SEZ6: variants seen among roughly 807,000 people sequenced by gnomAD.
The protein encoded by SEZ6 is seizure related 6 homolog, also known as seizure protein 6 homolog.
Under a neutral mutation model 101.0 loss-of-function variants are expected in SEZ6, and 53 were observed. That is an observed-to-expected ratio of 0.52 (90% CI 0.42 to 0.66). The LOEUF is 0.66. SEZ6 is among the 30% of genes least tolerant of loss of function. The pLI is 0.00. For missense variants in SEZ6, 1,102 were observed against 1,289.4 expected, an observed-to-expected ratio of 0.85 and a Z score of 2.23; for synonymous variants, 488 against 512.2, an observed-to-expected ratio of 0.95 and a Z score of 0.64.
At chr17:28,985,513 A>G (rs2041367456) in intron 1 of SEZ6, among the ~76,000 whole-genome samples, 1 of 152,218 alleles carries the variant, frequency 6.6e-6, no homozygotes, top group Non-Finnish European at 1.5e-5. Flanking sequence ...TGCCTCTCAG[A>G]GCCTTTGCCT....
Position 29,003,334 on chromosome 17 carries a change from G to T in SEZ6, c.55+2481C>A, listed in dbSNP as rs560363724. Among the ~76,000 whole-genome samples, 6 of 152,328 alleles carry T rather than the reference G, an allele frequency of 3.9e-5. No individual in the cohort carries two copies. In the South Asian group the frequency reaches 1.2e-3, roughly 32 times the overall value. ...TGCCTGACGCCAATCAAGACTTGGAGGCTGCAGAAGGGAATAGGGGACTGA... is the reference window on the plus strand; with the variant it reads ...TGCCTGACGCCAATCAAGACTTGGATGCTGCAGAAGGGAATAGGGGACTGA... On this transcript the variant is annotated intron_variant, in intron 1 of 16. Coordinates refer to ENST00000317338, the MANE Select transcript of SEZ6 (RefSeq NM_178860.5).
At chr17:29,000,623 C>A (rs1027117712) in intron 1 of SEZ6, among the ~76,000 whole-genome samples, 2 of 152,136 alleles carry the variant, frequency 1.3e-5, no homozygotes, top group African/African-American at 4.8e-5. Flanking sequence ...CATTAAAGGG[C>A]ATGTAGGCTC....
At chr17:28,997,712 C>A (rs897764231) in intron 1 of SEZ6, among the ~76,000 whole-genome samples, 8 of 152,180 alleles carry the variant, frequency 5.3e-5, no homozygotes, top group South Asian at 2.1e-4. Flanking sequence ...CCATCCCCCC[C>A]ACCCCGATTT....
intron 7 of SEZ6, chr17:28,960,167 A>G (rs1345777399): frequency 3.5e-6 from 2 of 573,542 alleles, no homozygotes; most frequent in African/African-American, 1.9e-5. Context: ...TTTTGAATGA[A>G]TTAATCAATG....
intron 3 of SEZ6, among the ~76,000 whole-genome samples, chr17:28,970,830 CTT>C (rs957811626): frequency 3.9e-5 from 6 of 152,238 alleles, no homozygotes; most frequent in Non-Finnish European, 8.8e-5. Flanking sequence ...AGTTCAAACT[CTT>C]TGCTTAGCCC....
At position 28,956,449 on chromosome 17, in the gene SEZ6, G is replaced by A. The variant is rs1475292617; in HGVS notation, c.2750C>T (p.Ala917Val). 6.4e-7 allele frequency: 1 copy of A among 1,556,646 alleles called. No homozygotes were observed. The highest frequency in any genetic ancestry group is 2.4e-5 in the East Asian group (1 of 41,452). Residue 917 changes from alanine (A) to valine (V), a missense_variant, in exon 15 of 17, where the codon GCC (alanine) becomes GTC (valine). By Grantham distance (64) the Ala-to-Val change is moderately conservative. Around this residue, in one of 3 missense-constraint regions of SEZ6, gnomAD observed 140 missense variants for 135.7 expected, o/e 1.03. Transcript: ENST00000317338. ...RSLDVAKAPA[A>V]SSTLDAAHIA... ...GTGGGCAGCATCCAGGGTGCTGGAG[G>A]CAGCAGGTGCCTTGGCAACTGAAGA... is the stretch of plus-strand genomic sequence containing the variant.
intron 13 of SEZ6, 116 bp downstream of exon 13, chr17:28,956,929 A>C: frequency 1.5e-6 from 2 of 1,360,684 alleles, no homozygotes; most frequent in South Asian, 1.4e-5. Context: ...GACTGGGGAG[A>C]CCAAGGGTAA....
At chr17:28,973,038 A>G (rs748844375) in intron 3 of SEZ6, among the ~76,000 whole-genome samples, 3 of 152,196 alleles carry the variant, frequency 2.0e-5, no homozygotes, top group Non-Finnish European at 2.9e-5. Flanking sequence ...CTTTTTCCTG[A>G]TCTTGCTGCT....
intron 3 of SEZ6, 114 bp downstream of exon 3, chr17:28,979,566 T>C: frequency 6.8e-7 from 1 of 1,474,602 alleles, no homozygotes; most frequent in South Asian, 1.3e-5. Flanking sequence ...CCTTAGGCGA[T>C]GCCCCACAAT....
chr17:28,956,793 A>T, intron 13 of SEZ6, 36 bp from the exon 14 acceptor site: 1 of 1,556,112 alleles, frequency 6.4e-7, no homozygotes, highest in Non-Finnish European at 8.7e-7. Context: ...GCAGTGAGTG[A>T]GCCCAATGGG....
rs1221424193 is a variant in SEZ6, at chr17:28,969,965, T to C, written c.859-13A>G. 1 of 1,517,442 alleles carries C rather than the reference T, an allele frequency of 6.6e-7. No homozygotes were observed. Among genetic ancestry groups the C allele is most frequent in the Non-Finnish European group, 8.7e-7 (1 of 1,146,536 alleles). 94.0% of individuals were successfully genotyped at this position (1,517,442 alleles called of 1,614,324 possible). ...TGATATTCTGGACCTGTCAGTAGAGTAGAGAGAGAAAAGCAAAGTAGTCAG... is the reference window on the plus strand; with the variant it reads ...TGATATTCTGGACCTGTCAGTAGAGCAGAGAGAGAAAAGCAAAGTAGTCAG... On this transcript the variant is annotated splice_polypyrimidine_tract_variant and intron_variant, in intron 3 of 16. Transcript: ENST00000317338.
chr17:28,963,515 C>T (rs2041018557), intron 5 of SEZ6, among the ~76,000 whole-genome samples: 1 of 152,198 alleles, frequency 6.6e-6, no homozygotes, highest in Middle Eastern at 3.2e-3. Context: ...AACACCCTCA[C>T]CTGCCTGCCT....
chr17:28,967,634 G>A (rs2041090214), intron 4 of SEZ6, among the ~76,000 whole-genome samples: 1 of 152,122 alleles, frequency 6.6e-6, no homozygotes, highest in Non-Finnish European at 1.5e-5. Context: ...CGCCTAGTGG[G>A]GTCTAGACCA....
Position 28,959,500 on chromosome 17 carries a change from T to C in SEZ6, c.1772-28A>G. On this transcript the variant is annotated intron_variant, in intron 8 of 16. Coordinates refer to ENST00000317338, the MANE Select transcript of SEZ6 (RefSeq NM_178860.5). This position sits in a 1 kb window ranked among gnomAD's most constrained non-coding sequence, Gnocchi z 4.4. Reference sequence around the variant, plus strand: ...GGAAGGCAGAGGAGGCCCAGAAGGGTCTTTTCAAGCTTACCATGGTGTTGC... The same window carrying C: ...GGAAGGCAGAGGAGGCCCAGAAGGGCCTTTTCAAGCTTACCATGGTGTTGC... The C allele has an allele frequency of 1.2e-6, 2 of 1,606,174 alleles. No homozygotes were observed. The highest frequency in any genetic ancestry group is 2.2e-5 in the South Asian group (2 of 91,012).
At chr17:28,997,016 CCAA>C (rs1158012216) in intron 1 of SEZ6, among the ~76,000 whole-genome samples, 2 of 152,072 alleles carry the variant, frequency 1.3e-5, no homozygotes, top group Non-Finnish European at 2.9e-5. Flanking sequence ...AGTTAGGGCA[CCAA>C]CAAGTGGCTG....
chr17:28,961,642 C>T (rs1211588682), intron 5 of SEZ6, among the ~76,000 whole-genome samples: 19 of 152,202 alleles, frequency 1.2e-4, no homozygotes, highest in Admixed American at 1.2e-3. Context: ...TGGCTTGGGG[C>T]TGTCCTCTCT....
chr17:28,982,391 T>C (rs1459696081), intron 1 of SEZ6, among the ~76,000 whole-genome samples: 1 of 152,104 alleles, frequency 6.6e-6, no homozygotes, highest in Non-Finnish European at 1.5e-5. Context: ...ATATTTGCCA[T>C]CCCTAATGAA....
intron 1 of SEZ6, among the ~76,000 whole-genome samples, chr17:28,986,797 C>T (rs2041390933): frequency 6.6e-6 from 1 of 152,242 alleles, no homozygotes; most frequent in Non-Finnish European, 1.5e-5. Flanking sequence ...CCTCTGTCTG[C>T]TCATCTGTGG....
intron 3 of SEZ6, among the ~76,000 whole-genome samples, chr17:28,975,121 TG>T (rs2041204867): frequency 6.6e-6 from 1 of 152,354 alleles, no homozygotes; most frequent in African/African-American, 2.4e-5. Flanking sequence ...GGCCACACCC[TG>T]GTAAAACCTT....
Sources: gnomAD v4.1 joint callset for allele counts (sites outside exome capture counted in the v4.1 genomes callset) on GRCh38, gnomAD v4.1.1 for gene constraint, gnomAD v4.1.1 regional missense constraint, Gnocchi (gnomAD v3.1) non-coding constraint, MANE v1.5 for transcripts, NCBI Gene and HGNC (gene_info 2026-07-23, HGNC 2026-07-21) for gene names.